Variants in KCNIP4 observed in about 807,000 individuals in gnomAD.
KCNIP4 encodes the protein Kv channel-interacting protein 4.
KCNIP4 carries 12 observed loss-of-function variants against 34.0 expected under a neutral mutation model. That is an observed-to-expected ratio of 0.35 (90% CI 0.23 to 0.57). KCNIP4 has a LOEUF of 0.57. KCNIP4 is among the 20% of genes least tolerant of loss of function. The pLI is 0.83. For synonymous variants in KCNIP4, 124 were observed against 102.2 expected (o/e 1.21, Z -1.29); for missense variants, 238 against 311.7 (o/e 0.76, Z 1.78).
chr4:21,881,860 T>C (rs1006311332), intron 1 of KCNIP4, among the ~76,000 whole-genome samples: 1 of 152,052 alleles, frequency 6.6e-6, no homozygotes, highest in Non-Finnish European at 1.5e-5. Flanking sequence ...CTGCTTCATA[T>C]AAAACAAATG....
At chr4:21,740,613 C>A (rs951631698) in intron 1 of KCNIP4, among the ~76,000 whole-genome samples, 3 of 152,076 alleles carry the variant, frequency 2.0e-5, no homozygotes, top group African/African-American at 2.4e-5. Context: ...GACTTACATT[C>A]AAATCATAAT....
chr4:21,896,445 G>C (rs1727389745), intron 1 of KCNIP4, among the ~76,000 whole-genome samples: 1 of 152,168 alleles, frequency 6.6e-6, no homozygotes, highest in African/African-American at 2.4e-5. Context: ...AGCTGGGGTA[G>C]AAGGTATCAT....
chr4:20,732,824 G>T, intron 6 of KCNIP4, 39 bp from the exon 7 acceptor site: 4 of 1,221,056 alleles, frequency 3.3e-6, no homozygotes, highest in Admixed American at 1.8e-5. Flanking sequence ...CTGCACACAT[G>T]TATGAAGAAA....
intron 1 of KCNIP4, among the ~76,000 whole-genome samples, chr4:21,500,578 G>C (rs1345781120): frequency 2.0e-5 from 3 of 152,128 alleles, no homozygotes; most frequent in Non-Finnish European, 4.4e-5. Flanking sequence ...TGCGTTATTA[G>C]AGATTGATAA....
intron 1 of KCNIP4, among the ~76,000 whole-genome samples, chr4:21,238,641 G>T (rs1007191863): frequency 6.6e-6 from 1 of 152,064 alleles, no homozygotes; most frequent in Non-Finnish European, 1.5e-5. Flanking sequence ...GCTTCAAAGA[G>T]AATAAAATAC....
At chr4:21,079,582 G>A (rs1745820643) in intron 1 of KCNIP4, among the ~76,000 whole-genome samples, 1 of 151,654 alleles carries the variant, frequency 6.6e-6, no homozygotes, top group South Asian at 2.1e-4. Context: ...TGAGCAGTAG[G>A]CAAAATAATT....
chr4:20,819,251 C>G (rs1716808323), intron 3 of KCNIP4, among the ~76,000 whole-genome samples: 1 of 152,132 alleles, frequency 6.6e-6, no homozygotes. Context: ...CAAAGTTACA[C>G]TGTTAATAAC....
At chr4:21,566,417 G>A (rs1178368921) in intron 1 of KCNIP4, among the ~76,000 whole-genome samples, 1 of 152,016 alleles carries the variant, frequency 6.6e-6, no homozygotes, top group East Asian at 1.9e-4. Flanking sequence ...CTATTCTTGT[G>A]CGGTGAGTGA....
intron 1 of KCNIP4, among the ~76,000 whole-genome samples, chr4:21,206,580 G>T (rs1337712636): frequency 6.6e-6 from 1 of 152,162 alleles, no homozygotes; most frequent in African/African-American, 2.4e-5. Flanking sequence ...TGAGAATCAG[G>T]CCTAGATTCC....
intron 1 of KCNIP4, among the ~76,000 whole-genome samples, chr4:21,409,138 G>A (rs1400085493): frequency 6.7e-6 from 1 of 149,254 alleles, no homozygotes; most frequent in Non-Finnish European, 1.5e-5. Context: ...ACAGGGTCTT[G>A]CTCTGTCACT....
intron 1 of KCNIP4, among the ~76,000 whole-genome samples, chr4:21,237,851 A>G (rs1418107721): frequency 1.3e-5 from 2 of 152,216 alleles, no homozygotes; most frequent in Non-Finnish European, 2.9e-5. Flanking sequence ...TCAATAGAAA[A>G]AGAGGGAATC....
rs150826642 is a variant in KCNIP4 at position 21,331,085 on chromosome 4, C to T, written c.62-448376G>A. ...TTGTTCATGTGTAAGACACTGTGTC[C>T]TCTTCTTCCTTAGTTAATTGAGTCT... On this transcript the variant is annotated intron_variant, in intron 1 of 8. Transcript: ENST00000382152. Among the ~76,000 whole-genome samples the T allele has an allele frequency of 1.4e-3, 207 of 152,174 alleles. 2 individuals carry two copies. The highest frequency in any genetic ancestry group is 2.4e-3 in the Non-Finnish European group (162 of 68,004).
At chr4:21,673,374 T>C (rs1749650937) in intron 1 of KCNIP4, among the ~76,000 whole-genome samples, 1 of 152,224 alleles carries the variant, frequency 6.6e-6, no homozygotes, top group Non-Finnish European at 1.5e-5. Context: ...GTCTTCTATT[T>C]TGACACTAAG....
intron 1 of KCNIP4, among the ~76,000 whole-genome samples, chr4:21,065,767 A>T (rs377384033): frequency 0.014 from 1,341 of 96,132 alleles, 17 homozygotes; most frequent in African/African-American, 0.022. Context: ...TATATATATA[A>T]CTCAATTTTA....
At chr4:21,829,576 A>G (rs1722859051) in intron 1 of KCNIP4, among the ~76,000 whole-genome samples, 1 of 152,068 alleles carries the variant, frequency 6.6e-6, no homozygotes, top group African/African-American at 2.4e-5. Flanking sequence ...AAGAAAAAGC[A>G]CAAATAATAT....
chr4:20,743,709 G>A (rs942153385), intron 5 of KCNIP4, among the ~76,000 whole-genome samples: 3 of 151,990 alleles, frequency 2.0e-5, no homozygotes, highest in Non-Finnish European at 4.4e-5. Context: ...CATAGGCATG[G>A]GCAAGGACTT....
intron 1 of KCNIP4, among the ~76,000 whole-genome samples, chr4:21,344,982 A>G (rs1717147756): frequency 6.6e-6 from 1 of 152,160 alleles, no homozygotes; most frequent in Non-Finnish European, 1.5e-5. Flanking sequence ...AGATACATCC[A>G]TACTGTTTTC....
At chr4:20,738,379 CA>C (rs1166481828) in intron 5 of KCNIP4, among the ~76,000 whole-genome samples, 1 of 152,152 alleles carries the variant, frequency 6.6e-6, no homozygotes, top group African/African-American at 2.4e-5. Flanking sequence ...ATGTGCAACA[CA>C]GTCACCTGGG....
intron 1 of KCNIP4, among the ~76,000 whole-genome samples, chr4:21,563,049 CTGTT>C (rs1739584929): frequency 6.6e-6 from 1 of 151,958 alleles, no homozygotes; most frequent in African/African-American, 2.4e-5. Context: ...CATTACTTCT[CTGTT>C]GGTTGGTCTG....
Sources: allele counts gnomAD v4.1 joint callset (sites outside exome capture counted in the v4.1 genomes callset), GRCh38; gene constraint gnomAD v4.1.1; transcripts MANE v1.5; gene names NCBI Gene and HGNC (gene_info 2026-07-23, HGNC 2026-07-21).